SOD1: variants seen among roughly 807,000 people sequenced by gnomAD.
SOD1 encodes superoxide dismutase [Cu-Zn].
In SOD1, 8 loss-of-function variants were observed where a neutral mutation model predicts 15.9. The observed-to-expected ratio is 0.50, with a 90% confidence interval of 0.30 to 0.91. The LOEUF (loss-of-function observed/expected upper bound fraction) is 0.91. Among genes scored for constraint, SOD1 ranks in the 40% least tolerant of loss-of-function variants. The pLI is 0.07. For synonymous variants in SOD1, 86 were observed against 71.2 expected, an observed-to-expected ratio of 1.21 and a Z score of -1.04; for missense variants, 137 against 194.5, an observed-to-expected ratio of 0.70 and a Z score of 1.76.
rs1020558560 is a variant in SOD1, at chr21:31,663,731, G to A, written c.73-59G>A. ...TTTTTACTTCACTGTGAGGGGTAAA[G>A]GTAAATCAGCTGTTTTCTTTGTTCA... On this transcript the variant is annotated intron_variant, in intron 1 of 4. Coordinates refer to ENST00000270142, the MANE Select transcript of SOD1 (RefSeq NM_000454.5). 30 of 1,330,378 alleles carry A rather than the reference G, an allele frequency of 2.3e-5. No homozygotes were observed. In the African/African-American group the frequency reaches 3.3e-4, roughly 15 times the overall value. 82.4% of individuals were successfully genotyped at this position (1,330,378 alleles called of 1,614,324 possible). A position where few individuals can be genotyped will look rare whatever the true frequency, so the allele number is the denominator to read the frequency against.
intron 3 of SOD1, chr21:31,666,914 GTA>G (rs1176375527): frequency 7.5e-6 from 3 of 400,540 alleles, no homozygotes; most frequent in Non-Finnish European, 1.4e-5. Flanking sequence ...ATTTATATGT[GTA>G]TGTTTTCTGA....
At chr21:31,667,842 T>G (rs2049610032) in intron 4 of SOD1, among the ~76,000 whole-genome samples, 1 of 152,206 alleles carries the variant, frequency 6.6e-6, no homozygotes, top group Non-Finnish European at 1.5e-5. Flanking sequence ...ATCTGGTTCT[T>G]GCAAAACACC....
chr21:31,667,161 A>AT lies in SOD1; in HGVS notation c.240-94dup, dbSNP rs898844708. 3 of 909,484 alleles carry AT rather than the reference A, an allele frequency of 3.3e-6. No homozygotes were observed. In the African/African-American group the frequency reaches 4.9e-5, roughly 15 times the overall value. 56.3% of individuals were successfully genotyped at this position (909,484 alleles called of 1,614,324 possible). On this transcript the variant is annotated intron_variant, in intron 3 of 4. Transcript: ENST00000270142. ...AGAATGCCTAGCTACTTGTTTGCAA[A>AT]TTTGTGTCTACTCAGTCAAGTTTTA...
At position 31,665,647 on chromosome 21, in the gene SOD1, T is replaced by TTC. The variant is rs1414195901; in HGVS notation, c.170-800_170-799dup. 4.6e-5 allele frequency among the ~76,000 whole-genome samples: 7 copies of TTC among 152,260 alleles called. No individual in the cohort carries two copies. The East Asian group carries it at 1.2e-3, about 25-fold the overall frequency. On this transcript the variant is annotated intron_variant, in intron 2 of 4. Coordinates refer to ENST00000270142, the MANE Select transcript of SOD1 (RefSeq NM_000454.5). ...TCATCCCCTGGTGCACAGCAGCACC[T>TTC]TCTACACAGGATACAGTTGGAATGC...
At chr21:31,666,351 C>A in intron 2 of SOD1, 98 bp from the exon 3 acceptor site, 1 of 872,054 alleles carries the variant, frequency 1.1e-6, no homozygotes, top group Admixed American at 2.0e-5. Flanking sequence ...TGCAGGTCAG[C>A]ACTTTCTCCA....
At chr21:31,665,617 G>C (rs943161376) in intron 2 of SOD1, among the ~76,000 whole-genome samples, 1 of 152,162 alleles carries the variant, frequency 6.6e-6, no homozygotes, top group Non-Finnish European at 1.5e-5. Flanking sequence ...TGTGCTCTGT[G>C]AATGTCATCC....
chr21:31,667,229 T>C (rs745445038), intron 3 of SOD1, 29 bp from the exon 4 acceptor site: 3 of 1,506,848 alleles, frequency 2.0e-6, no homozygotes, highest in Non-Finnish European at 2.8e-6. Flanking sequence ...GCATCAGCCC[T>C]AATCCATCTG....
chr21:31,659,817 G>A lies in SOD1; in HGVS notation c.48G>A (p.Gln16=). ...TGCTGAAGGGCGACGGCCCAGTGCA[G>A]GGCATCATCAATTTCGAGCAGAAGG... is the stretch of plus-strand genomic sequence containing the variant. ...VCVLKGDGPV[Q]GIINFEQKES... is the part of the protein sequence containing the mutation. The change falls in exon 1 of 5, where the codon CAG becomes CAA. Residue 16 remains glutamine (Q), a synonymous_variant. Coordinates refer to ENST00000270142, the MANE Select transcript of SOD1 (RefSeq NM_000454.5). 1 of 1,613,808 alleles carries A rather than the reference G, an allele frequency of 6.2e-7. No individual in the cohort carries two copies. Among genetic ancestry groups the A allele is most frequent in the Non-Finnish European group, 8.5e-7 (1 of 1,179,892 alleles).
At chr21:31,663,936 T>A (rs763177154) in intron 2 of SOD1, 50 bp downstream of exon 2, 3 of 1,373,078 alleles carry the variant, frequency 2.2e-6, no homozygotes, top group Non-Finnish European at 3.1e-6. Flanking sequence ...CCTAGTTAGA[T>A]AAACAGTAGA....
rs121912438 is a variant in SOD1, at chr21:31,667,299, G to A, written c.281G>A (p.Gly94Asp). 6.2e-7 allele frequency: 1 copy of A among 1,614,144 alleles called. No individual in the cohort carries two copies. The highest frequency in any genetic ancestry group is 8.5e-7 in the Non-Finnish European group (1 of 1,180,002). Residue 94 changes from glycine (G) to aspartate (D), a missense_variant, in exon 4 of 5, where the codon GGT becomes GAT. Gly to Asp is a moderately conservative substitution (Grantham distance 94, BLOSUM62 -1). Coordinates refer to ENST00000270142, the MANE Select transcript of SOD1 (RefSeq NM_000454.5). ...DLGNVTADKD[G>D]VADVSIEDSV... Reference sequence around the variant, plus strand: ...GGCAATGTGACTGCTGACAAAGATGGTGTGGCCGATGTGTCTATTGAAGAT... The same window carrying A: ...GGCAATGTGACTGCTGACAAAGATGATGTGGCCGATGTGTCTATTGAAGAT...
intron 1 of SOD1, 34 bp from the exon 2 acceptor site, chr21:31,663,756 A>G (rs764392882): frequency 2.6e-6 from 4 of 1,509,480 alleles, no homozygotes; most frequent in Non-Finnish European, 3.7e-6. Context: ...TTCTTTGTTC[A>G]GAAACTCTCT....
chr21:31,663,089 A>G (rs1301018651), intron 1 of SOD1, among the ~76,000 whole-genome samples: 1 of 150,678 alleles, frequency 6.6e-6, no homozygotes, highest in East Asian at 2.0e-4. Context: ...CAGGGGTCCC[A>G]GGGTAGCCTG....
rs577643519 is a variant in SOD1 at position 31,667,606 on chromosome 21, A to G, written c.357+231A>G. 2.6e-5 allele frequency among the ~76,000 whole-genome samples: 4 copies of G among 152,370 alleles called. No homozygotes were observed. The East Asian group carries it at 7.7e-4, about 29-fold the overall frequency. On this transcript the variant is annotated intron_variant, in intron 4 of 4. Transcript: ENST00000270142. The stretch of plus-strand genomic sequence containing the variant: ...AGTAAAAAGCAGGTTACATTTGACC[A>G]TATTAGATCTGAGTTTGGAAAACAG...
At chr21:31,666,341 TG>T (rs2049592787) in intron 2 of SOD1, 107 bp from the exon 3 acceptor site, 2 of 794,020 alleles carry the variant, frequency 2.5e-6, no homozygotes, top group Non-Finnish European at 4.3e-6. Context: ...GAAGTCGTGA[TG>T]CAGGTCAGCA....
intron 1 of SOD1, chr21:31,660,220 G>A (rs551989025): frequency 1.3e-3 from 196 of 152,920 alleles, no homozygotes; most frequent in Non-Finnish European, 1.5e-3. Flanking sequence ...TTGCTTGGCC[G>A]TGTTCTCGTT....
At chr21:31,663,409 A>G in intron 1 of SOD1, among the ~76,000 whole-genome samples, 1 of 152,372 alleles carries the variant, frequency 6.6e-6, no homozygotes, top group South Asian at 2.1e-4. Context: ...AAAAGTATTT[A>G]CTACATAAAT....
chr21:31,663,694 A>C (rs2049568489), intron 1 of SOD1, 96 bp from the exon 2 acceptor site: 1 of 979,644 alleles, frequency 1.0e-6, no homozygotes, highest in South Asian at 1.3e-5. Context: ...TTCCACTCCC[A>C]AGTCTGGCTG....
At chr21:31,666,991 C>T in intron 3 of SOD1, 1 of 519,908 alleles carries the variant, frequency 1.9e-6, no homozygotes, top group East Asian at 3.4e-5. Context: ...TGGGACATAG[C>T]TTTGTTAGCT....
chr21:31,664,430 G>T (rs937921648), intron 2 of SOD1: 2 of 187,088 alleles, frequency 1.1e-5, no homozygotes, highest in Non-Finnish European at 1.2e-5. Context: ...GACTGGGGTG[G>T]ACCTGCTTCT....
Sources: allele counts gnomAD v4.1 joint callset (sites outside exome capture counted in the v4.1 genomes callset), GRCh38; gene constraint gnomAD v4.1.1; transcripts MANE v1.5; gene names NCBI Gene and HGNC (gene_info 2026-07-23, HGNC 2026-07-21).